ZFHX3: variants seen among roughly 807,000 people sequenced by gnomAD.
ZFHX3 encodes the protein zinc finger homeobox protein 3.
In ZFHX3, 42 loss-of-function variants were observed where a neutral mutation model predicts 279.1. That is an observed-to-expected ratio of 0.15 (90% CI 0.12 to 0.19). The LOEUF (loss-of-function observed/expected upper bound fraction) is 0.19. ZFHX3 is among the 10% of genes least tolerant of loss of function. The pLI, the probability that ZFHX3 is intolerant of heterozygous loss-of-function variation, is 1.00. For synonymous variants in ZFHX3, 2,293 were observed against 1,957.8 expected (o/e 1.17, Z -4.52); for missense variants, 4,981 against 4,754.0 (o/e 1.05, Z -1.40).
At chr16:73,214,447 A>C (rs998076487) in intron 5 of ZFHX3, among the ~76,000 whole-genome samples, 1 of 152,046 alleles carries the variant, frequency 6.6e-6, no homozygotes, top group African/African-American at 2.4e-5. Flanking sequence ...AAGGAGGAAG[A>C]TTCCAAAATC....
At chr16:73,464,622 C>A (rs2018531509) in intron 2 of ZFHX3, among the ~76,000 whole-genome samples, 1 of 151,678 alleles carries the variant, frequency 6.6e-6, no homozygotes, top group African/African-American at 2.4e-5. Context: ...GAAAACACAA[C>A]ACGAGCATGT....
Position 73,170,265 on chromosome 16 carries a change from T to C in ZFHX3, c.-1103-26434A>G, listed in dbSNP as rs192471734. On this transcript the variant is annotated intron_variant, in intron 5 of 17. Transcript: ENST00000641206. ...TTTTTTTTTGAGACATAGCTCCACT[T>C]TGTCACCCACGTTGGAGTGCAGTGC... Among the ~76,000 whole-genome samples the C allele has an allele frequency of 5.8e-3, 700 of 121,140 alleles. 2 individuals carry two copies. The highest frequency in any genetic ancestry group is 9.3e-3 in the Non-Finnish European group (560 of 60,168). 79.5% of individuals were successfully genotyped at this position (121,140 alleles called of 152,430 possible). A position where few individuals can be genotyped will look rare whatever the true frequency, so the allele number is the denominator to read the frequency against.
At chr16:73,303,837 A>C (rs760725380) in intron 4 of ZFHX3, among the ~76,000 whole-genome samples, 1 of 152,068 alleles carries the variant, frequency 6.6e-6, no homozygotes, top group Non-Finnish European at 1.5e-5. Context: ...TGGACTACAA[A>C]TGTGGCACCC....
intron 1 of ZFHX3, among the ~76,000 whole-genome samples, chr16:73,702,416 T>C (rs1189725062): frequency 1.3e-5 from 2 of 152,060 alleles, no homozygotes; most frequent in Non-Finnish European, 2.9e-5. Flanking sequence ...CTGTGATGAG[T>C]GGCGGTGTTT....
chr16:73,112,742 A>AAT (rs1966391378), intron 7 of ZFHX3, among the ~76,000 whole-genome samples: 2 of 148,712 alleles, frequency 1.3e-5, no homozygotes, highest in South Asian at 2.1e-4. Flanking sequence ...AAAAAAAAAA[A>AAT]GTAAGTGCTT....
chr16:73,818,453 G>T (rs1179178375), intron 1 of ZFHX3, among the ~76,000 whole-genome samples: 1 of 152,120 alleles, frequency 6.6e-6, no homozygotes, highest in East Asian at 1.9e-4. Flanking sequence ...ATATATGAGA[G>T]GTCCTGTCAT....
Position 72,798,719 on chromosome 16 carries a change from T to C in ZFHX3, c.3968-5A>G. The C allele has an allele frequency of 7.0e-7, 1 of 1,432,438 alleles. No homozygotes were observed. Among genetic ancestry groups the C allele is most frequent in the East Asian group, 2.4e-5 (1 of 42,338 alleles). 88.7% of individuals were successfully genotyped at this position (1,432,438 alleles called of 1,614,324 possible). ...TTCCCAGATCCTCTGAGGTTTCTGT[T>C]AAAAAAAAAAAAAAAATCAAACCCA... is the stretch of plus-strand genomic sequence containing the variant. On this transcript the variant is annotated splice_polypyrimidine_tract_variant and splice_region_variant and intron_variant, in intron 8 of 9. Coordinates refer to ENST00000268489, the MANE Select transcript of ZFHX3 (RefSeq NM_006885.4).
chr16:73,045,868 C>T (rs1965280890), intron 1 of ZFHX3, among the ~76,000 whole-genome samples: 1 of 150,762 alleles, frequency 6.6e-6, no homozygotes, highest in South Asian at 2.1e-4. Flanking sequence ...CTCCAAGTCA[C>T]TTAATTCCTT....
At chr16:72,851,236 G>C (rs552007840) in intron 4 of ZFHX3, among the ~76,000 whole-genome samples, 2 of 152,218 alleles carry the variant, frequency 1.3e-5, no homozygotes, top group East Asian at 3.9e-4. Context: ...CAGATACCAG[G>C]AAGAAGAGGG....
intron 8 of ZFHX3, among the ~76,000 whole-genome samples, chr16:73,066,726 C>G (rs1028923617): frequency 1.3e-5 from 2 of 152,220 alleles, no homozygotes; most frequent in African/African-American, 2.4e-5. Flanking sequence ...GGGCGCACCT[C>G]GCGCCCAGGG....
intron 2 of ZFHX3, among the ~76,000 whole-genome samples, chr16:73,635,308 T>C (rs1461160492): frequency 6.6e-6 from 1 of 152,206 alleles, no homozygotes; most frequent in Non-Finnish European, 1.5e-5. Flanking sequence ...TTCACTGATA[T>C]CCCTTCTTTC....
At chr16:73,770,964 A>G (rs558161375) in intron 1 of ZFHX3, among the ~76,000 whole-genome samples, 2 of 152,290 alleles carry the variant, frequency 1.3e-5, no homozygotes, top group African/African-American at 4.8e-5. Flanking sequence ...AAGGTAAAGG[A>G]CTGGGATTCA....
At chr16:73,309,351 T>C (rs765294216) in intron 4 of ZFHX3, among the ~76,000 whole-genome samples, 23 of 152,170 alleles carry the variant, frequency 1.5e-4, no homozygotes, top group Non-Finnish European at 2.9e-4. Flanking sequence ...GTTTCTGTGT[T>C]AGTTTTCTAA....
intron 2 of ZFHX3, among the ~76,000 whole-genome samples, chr16:73,551,083 A>G (rs781488737): frequency 6.6e-6 from 1 of 152,328 alleles, no homozygotes; most frequent in Non-Finnish European, 1.5e-5. Flanking sequence ...GTTACACGAG[A>G]GATTGCTACT....
At chr16:73,342,896 G>A (rs2016060232) in intron 3 of ZFHX3, among the ~76,000 whole-genome samples, 3 of 152,186 alleles carry the variant, frequency 2.0e-5, no homozygotes, top group African/African-American at 7.2e-5. Flanking sequence ...ACACTGTGTG[G>A]GGGCTGGGGA....
rs138911390 is a variant in ZFHX3, at chr16:72,974,084, T to C, written c.-49-13890A>G. On this transcript the variant is annotated intron_variant, in intron 1 of 9. Coordinates refer to ENST00000268489, the MANE Select transcript of ZFHX3 (RefSeq NM_006885.4). ...AGAAGTAAGTGCTATCATTCAAGGC[T>C]GCACAAACCCAAGAGAAATGAACTT... Among the ~76,000 whole-genome samples, 209 of 152,334 alleles carry C rather than the reference T, an allele frequency of 1.4e-3. 2 individuals are homozygous for C. The highest frequency in any genetic ancestry group is 4.5e-3 in the African/African-American group (189 of 41,576).
intron 3 of ZFHX3, among the ~76,000 whole-genome samples, chr16:73,413,702 A>G (rs2017514419): frequency 6.6e-6 from 1 of 152,192 alleles, no homozygotes; most frequent in African/African-American, 2.4e-5. Flanking sequence ...TAAACCATCC[A>G]TCCATCTATC....
chr16:73,556,056 G>A (rs2020277417), intron 2 of ZFHX3, among the ~76,000 whole-genome samples: 1 of 152,232 alleles, frequency 6.6e-6, no homozygotes, highest in South Asian at 2.1e-4. Flanking sequence ...GCAGAGATGA[G>A]GAAGCAGCCG....
At chr16:72,838,692 C>T (rs545466785) in intron 4 of ZFHX3, among the ~76,000 whole-genome samples, 5 of 143,990 alleles carry the variant, frequency 3.5e-5, no homozygotes, top group East Asian at 4.6e-4. Flanking sequence ...ACAAGAATTA[C>T]GGGGGTGGGT....
Sources: gnomAD v4.1 joint callset for allele counts (sites outside exome capture counted in the v4.1 genomes callset) on GRCh38, gnomAD v4.1.1 for gene constraint, MANE v1.5 for transcripts, NCBI Gene and HGNC (gene_info 2026-07-23, HGNC 2026-07-21) for gene names.